Variants in TMEM244 observed in about 807,000 individuals in gnomAD.
The protein encoded by TMEM244 is transmembrane protein 244.
Under a neutral mutation model 15.8 loss-of-function variants are expected in TMEM244, and 13 were observed. The ratio of observed to expected loss-of-function variants is 0.82; its 90% CI spans 0.53 to 1.30. TMEM244 has a LOEUF of 1.30. Among genes scored for constraint, TMEM244 ranks in the 50% most tolerant of loss-of-function variants. The pLI, the probability that TMEM244 is intolerant of heterozygous loss-of-function variation, is 0.00. For missense variants in TMEM244, 161 were observed against 144.9 expected, an observed-to-expected ratio of 1.11 and a Z score of -0.57; for synonymous variants, 45 against 48.7, an observed-to-expected ratio of 0.92 and a Z score of 0.32.
In TMEM244 at chr6:129,860,102, T is replaced by C. The variant is rs1776778496; in HGVS notation, c.33+1054A>G. Among the ~76,000 whole-genome samples the C allele has an allele frequency of 2.8e-5, 3 of 105,322 alleles. No homozygotes were observed. In the Admixed American group the frequency reaches 3.0e-4, roughly 10 times the overall value. The allele number at this position is 105,322 out of a possible 152,430, so 69.1% of individuals were successfully genotyped here. ...AACTATCTGGATATTTTCTCTGCAA[T>C]GCGTGTGTGTGTGTGTGTGTGTGTG... is the stretch of plus-strand genomic sequence containing the variant. On this transcript the variant is annotated intron_variant, in intron 1 of 4. Transcript: ENST00000368143.
intron 1 of TMEM244, among the ~76,000 whole-genome samples, chr6:129,847,974 A>G (rs145764023): frequency 6.0e-4 from 91 of 151,764 alleles, no homozygotes; most frequent in African/African-American, 2.0e-3. Flanking sequence ...GGGTTTATCC[A>G]TGTTGGTCAG....
At position 129,842,858 on chromosome 6, in the gene TMEM244, G is replaced by A. The variant is rs140284644; in HGVS notation, c.193+672C>T. 2.5e-4 allele frequency among the ~76,000 whole-genome samples: 37 copies of A among 150,934 alleles called. 1 individual carries two copies. The Middle Eastern group carries it at 0.01, about 42-fold the overall frequency. ...CAAGAATGTTTTACATATATTCAAGGTACATAGGTGTGAAGGTTTACAAAC... is the reference window on the plus strand; with the variant it reads ...CAAGAATGTTTTACATATATTCAAGATACATAGGTGTGAAGGTTTACAAAC... On this transcript the variant is annotated intron_variant, in intron 3 of 4. Transcript: ENST00000368143.
At chr6:129,854,275 C>T (rs1474991552) in intron 1 of TMEM244, among the ~76,000 whole-genome samples, 1 of 152,092 alleles carries the variant, frequency 6.6e-6, no homozygotes, top group Non-Finnish European at 1.5e-5. Context: ...GCTGGCCCTA[C>T]CGGACATTCT....
At chr6:129,860,147 G>A (rs1456092901) in intron 1 of TMEM244, among the ~76,000 whole-genome samples, 2 of 119,948 alleles carry the variant, frequency 1.7e-5, no homozygotes, top group African/African-American at 6.0e-5. Flanking sequence ...GTGTGTGTGT[G>A]TCTGTCTGTC....
intron 2 of TMEM244, among the ~76,000 whole-genome samples, chr6:129,845,315 T>C (rs1776546180): frequency 6.6e-6 from 1 of 152,222 alleles, no homozygotes; most frequent in African/African-American, 2.4e-5. Context: ...TCCTTTCTTG[T>C]TCAAACCTTC....
At chr6:129,854,436 A>G (rs1203727232) in intron 1 of TMEM244, among the ~76,000 whole-genome samples, 3 of 152,168 alleles carry the variant, frequency 2.0e-5, no homozygotes, top group East Asian at 3.9e-4. Context: ...ACTGTTTCAG[A>G]CTTCCTGGGG....
chr6:129,838,262 G>T (rs908152943), intron 3 of TMEM244, among the ~76,000 whole-genome samples: 14 of 152,286 alleles, frequency 9.2e-5, no homozygotes, highest in African/African-American at 2.6e-4. Context: ...AATCAAATTA[G>T]AACTCAGGAT....
chr6:129,855,755 T>C (rs1028312248), intron 1 of TMEM244, among the ~76,000 whole-genome samples: 1 of 152,174 alleles, frequency 6.6e-6, no homozygotes, highest in Non-Finnish European at 1.5e-5. Flanking sequence ...AGAAGATGCA[T>C]AATATGACTT....
At chr6:129,841,350 A>C (rs112589717) in intron 3 of TMEM244, among the ~76,000 whole-genome samples, 1 of 146,562 alleles carries the variant, frequency 6.8e-6, no homozygotes, top group Non-Finnish European at 1.5e-5. Context: ...ACATGTTCTC[A>C]CTCATAGGTG....
chr6:129,855,726 T>C (rs1017061614), intron 1 of TMEM244, among the ~76,000 whole-genome samples: 2 of 152,204 alleles, frequency 1.3e-5, no homozygotes, highest in East Asian at 3.8e-4. Context: ...ATATTGTGCA[T>C]TTCCCATTGT....
rs146837863 is a variant in TMEM244, at chr6:129,849,441, T to G, written c.34-3589A>C. 3.1e-3 allele frequency among the ~76,000 whole-genome samples: 473 copies of G among 152,284 alleles called. 1 individual carries two copies. Among genetic ancestry groups the G allele is most frequent in the African/African-American group, 0.011 (452 of 41,566 alleles). ...CATCACTTCCTCTGCTTGATGTCTT[T>G]TTAGGCCCTCACATCATTATCAGGA... On this transcript the variant is annotated intron_variant, in intron 1 of 4. Transcript: ENST00000368143.
chr6:129,834,684 T>C (rs544605846), intron 3 of TMEM244, among the ~76,000 whole-genome samples: 3 of 152,298 alleles, frequency 2.0e-5, no homozygotes, highest in South Asian at 2.1e-4. Context: ...GTTTCAAAAG[T>C]TAAATACAGA....
At chr6:129,832,377 C>A (rs765609826) in intron 4 of TMEM244, among the ~76,000 whole-genome samples, 3 of 152,054 alleles carry the variant, frequency 2.0e-5, no homozygotes, top group African/African-American at 4.8e-5. Flanking sequence ...GGATTACAGG[C>A]GTGAGCCACG....
intron 1 of TMEM244, 95 bp from the exon 2 acceptor site, chr6:129,845,947 T>G: frequency 1.2e-6 from 1 of 805,442 alleles, no homozygotes; most frequent in Non-Finnish European, 2.0e-6. Context: ...GATTACTAGA[T>G]AGTGTTGGCT....
At chr6:129,834,459 A>G (rs17474531) in intron 3 of TMEM244, among the ~76,000 whole-genome samples, 21,935 of 134,114 alleles carry the variant, frequency 0.16, 1,768 homozygotes, top group South Asian at 0.27. Flanking sequence ...ATGTTCATAT[A>G]ATTCAGGAAT....
intron 3 of TMEM244, among the ~76,000 whole-genome samples, chr6:129,840,951 T>C (rs970321447): frequency 2.0e-5 from 3 of 152,264 alleles, no homozygotes; most frequent in East Asian, 1.9e-4. Context: ...TGTGGAGCAA[T>C]AGGAACACTT....
At chr6:129,850,514 AT>A (rs1776623903) in intron 1 of TMEM244, among the ~76,000 whole-genome samples, 4 of 152,168 alleles carry the variant, frequency 2.6e-5, no homozygotes, top group Admixed American at 2.6e-4. Context: ...TTCCAACCCA[AT>A]TTTATCAACT....
At chr6:129,843,282 CA>C (rs1452767131) in intron 3 of TMEM244, among the ~76,000 whole-genome samples, 2 of 152,032 alleles carry the variant, frequency 1.3e-5, no homozygotes, top group Non-Finnish European at 2.9e-5. Flanking sequence ...ACCCCCAATA[CA>C]ATGAAATGAA....
At chr6:129,852,428 A>G (rs1231935099) in intron 1 of TMEM244, among the ~76,000 whole-genome samples, 2 of 152,154 alleles carry the variant, frequency 1.3e-5, no homozygotes. Context: ...ACTGCCAGAC[A>G]GGAAGTATGA....
Sources: allele counts gnomAD v4.1 joint callset (sites outside exome capture counted in the v4.1 genomes callset), GRCh38; gene constraint gnomAD v4.1.1; transcripts MANE v1.5; gene names NCBI Gene and HGNC (gene_info 2026-07-23, HGNC 2026-07-21).